The following DACT3 variants were observed in gnomAD, a reference collection of about 807,000 sequenced individuals.
DACT3 encodes the protein dishevelled binding antagonist of beta catenin 3, also known as dapper homolog 3.
In DACT3, 5 loss-of-function variants were observed where a neutral mutation model predicts 19.6. That is an observed-to-expected ratio of 0.26 (90% CI 0.13 to 0.54). The LOEUF (loss-of-function observed/expected upper bound fraction) is 0.54. Among genes scored for constraint, DACT3 ranks in the 20% least tolerant of loss-of-function variants. The probability of loss-of-function intolerance (pLI) is 0.95; values close to 1 mark genes in which losing one functional copy is unlikely to be tolerated. For missense variants in DACT3, 908 were observed against 927.4 expected, an observed-to-expected ratio of 0.98 and a Z score of 0.27; for synonymous variants, 454 against 428.1, an observed-to-expected ratio of 1.06 and a Z score of -0.75.
chr19:46,657,793 G>A (rs922026068), intron 1 of DACT3, among the ~76,000 whole-genome samples: 2 of 152,060 alleles, frequency 1.3e-5, no homozygotes, highest in Non-Finnish European at 1.5e-5. Flanking sequence ...GCTCACGCCT[G>A]TAATCCCAAC....
At chr19:46,656,135 C>G (rs1266021199) in intron 1 of DACT3, among the ~76,000 whole-genome samples, 1 of 142,496 alleles carries the variant, frequency 7.0e-6, no homozygotes, top group African/African-American at 2.7e-5. Context: ...GCCTCCACCT[C>G]CCAGGTTCAA....
intron 3 of DACT3, chr19:46,651,783 T>A: frequency 6.6e-6 from 1 of 152,110 alleles, no homozygotes; most frequent in Non-Finnish European, 1.5e-5. Flanking sequence ...CACTGCAACC[T>A]CTGCCTCCCA....
At chr19:46,656,283 C>T (rs2053034048) in intron 1 of DACT3, among the ~76,000 whole-genome samples, 1 of 151,998 alleles carries the variant, frequency 6.6e-6, no homozygotes, top group African/African-American at 2.4e-5. Flanking sequence ...CTCCTGACTA[C>T]AAGTCATCCG....
rs2052950644 is a variant in DACT3, at chr19:46,649,067, G to A, written c.1305C>T (p.Ser435=). The change falls in exon 4 of 4, where the codon TCC becomes TCT. Residue 435 remains serine (S), a synonymous_variant. Transcript: ENST00000391916. ...QSETSLLGRA[S]AVPSGPPKYP... ...ACTTAGGGGGCCCCGAAGGGACCGC[G>A]GAGGCGCGGCCCAGCAGGCTGGTCT... 8 of 1,292,998 alleles carry A rather than the reference G, an allele frequency of 6.2e-6. No individual in the cohort carries two copies. The highest frequency in any genetic ancestry group is 7.8e-6 in the Non-Finnish European group (8 of 1,023,188). 80.1% of individuals were successfully genotyped at this position (1,292,998 alleles called of 1,614,324 possible).
intron 3 of DACT3, 92 bp from the exon 4 acceptor site, chr19:46,649,964 G>T: frequency 7.9e-7 from 1 of 1,261,852 alleles, no homozygotes; most frequent in African/African-American, 1.6e-5. Context: ...GGAAGGGGCG[G>T]GTTGCCTCCC....
intron 1 of DACT3, among the ~76,000 whole-genome samples, chr19:46,653,539 T>TTTATTTATTTATTTA (rs2053006759): frequency 7.1e-6 from 1 of 141,152 alleles, no homozygotes; most frequent in Non-Finnish European, 1.5e-5. Context: ...CTTTTTTTAT[T>TTTATTTATTTATTTA]TTTATTTATT....
chr19:46,650,108 T>A, intron 3 of DACT3: 9 of 214,612 alleles, frequency 4.2e-5, no homozygotes, highest in Non-Finnish European at 6.3e-5. Flanking sequence ...TCTCCAACTC[T>A]CACAACATCT....
In DACT3 at chr19:46,649,746, C is replaced by G; in HGVS notation, c.626G>C (p.Arg209Pro). The change falls in exon 4 of 4, where the codon CGG becomes CCG. Residue 209 changes from arginine (R) to proline (P), a missense_variant. Physicochemically the swap from Arg to Pro is moderately radical, Grantham distance 103 (BLOSUM62 -2). Around this residue, in one of 2 missense-constraint regions of DACT3, gnomAD observed 252 missense variants for 325.6 expected, o/e 0.77. Transcript: ENST00000391916. ...GPEACSSAER[R>P]ARAGPFLTPS... Reference sequence around the variant, plus strand: ...CGTCAGAAAGGGCCCGGCGCGGGCCCGCCGCTCCGCCGAGGAGCAGGCCTC... The same window carrying G: ...CGTCAGAAAGGGCCCGGCGCGGGCCGGCCGCTCCGCCGAGGAGCAGGCCTC... 3.9e-6 allele frequency: 5 copies of G among 1,274,676 alleles called. No individual in the cohort carries two copies. The highest frequency in any genetic ancestry group is 4.9e-6 in the Non-Finnish European group (5 of 1,011,650). 79.0% of individuals were successfully genotyped at this position (1,274,676 alleles called of 1,614,324 possible).
rs1215676789 is a variant in DACT3 at position 46,648,843 on chromosome 19, T to C, written c.1529A>G (p.Gln510Arg). Residue 510 changes from glutamine (Q) to arginine (R), a missense_variant, in exon 4 of 4, where the codon CAG becomes CGG. Gln to Arg is a conservative substitution (Grantham distance 43). Coordinates refer to ENST00000391916, the MANE Select transcript of DACT3 (RefSeq NM_145056.3). This position sits in a 1 kb window ranked among gnomAD's most constrained non-coding sequence, Gnocchi z 5.1. Reference sequence around the variant, plus strand: ...CGCGCAGCCGTAAAGCAGACGACGCTGGGGAGCTGACGGGGACGGGCCGGG... The same window carrying C: ...CGCGCAGCCGTAAAGCAGACGACGCCGGGGAGCTGACGGGGACGGGCCGGG... ...PGPGPSPSAP[Q>R]RRLLYGCAGS... 6.8e-7 allele frequency: 1 copy of C among 1,480,102 alleles called. No individual in the cohort carries two copies. Among genetic ancestry groups the C allele is most frequent in the Admixed American group, 2.5e-5 (1 of 40,562 alleles). The allele number at this position is 1,480,102 out of a possible 1,614,324, so 91.7% of individuals were successfully genotyped here. A position where few individuals can be genotyped will look rare whatever the true frequency, so the allele number is the denominator to read the frequency against.
Position 46,648,164 on chromosome 19 carries a change from T to G in DACT3, c.*318A>C. On this transcript the variant is annotated 3_prime_UTR_variant, in exon 4 of 4. Coordinates refer to ENST00000391916, the MANE Select transcript of DACT3 (RefSeq NM_145056.3). This position sits in a 1 kb window ranked among gnomAD's most constrained non-coding sequence, Gnocchi z 5.1. ...AGGCTTCTAAACTAAAACGGGGAAATTCAAACCGAATTACCCCTTTTGCAT... is the reference window on the plus strand; with the variant it reads ...AGGCTTCTAAACTAAAACGGGGAAAGTCAAACCGAATTACCCCTTTTGCAT... The G allele has an allele frequency of 3.3e-6, 1 of 302,564 alleles. No individual in the cohort carries two copies. The highest frequency in any genetic ancestry group is 5.2e-5 in the South Asian group (1 of 19,294). 18.7% of individuals were successfully genotyped at this position (302,564 alleles called of 1,614,324 possible). A position where few individuals can be genotyped will look rare whatever the true frequency, so the allele number is the denominator to read the frequency against.
intron 1 of DACT3, among the ~76,000 whole-genome samples, chr19:46,655,697 C>T (rs988571004): frequency 1.3e-5 from 2 of 152,064 alleles, no homozygotes; most frequent in South Asian, 2.1e-4. Flanking sequence ...CCTAGGAACG[C>T]GGAGATTTGT....
Position 46,648,581 on chromosome 19 carries a change from G to T in DACT3, c.1791C>A (p.Gly597=), listed in dbSNP as rs778872360. The stretch of plus-strand genomic sequence containing the variant: ...TGATTTTCACGAAGACTTTGGCGGG[G>T]CCTGCGGGCGCCCCTGCACCTGCTC... ...GGGAGAGAPA[G]PAKVFVKIKA... is the part of the protein sequence containing the mutation. The change falls in exon 4 of 4, where the codon GGC becomes GGA. Residue 597 remains glycine (G), a synonymous_variant. Coordinates refer to ENST00000391916, the MANE Select transcript of DACT3 (RefSeq NM_145056.3). The surrounding 1 kb of genome is among the most constrained non-coding windows in gnomAD (Gnocchi z 5.1). 38 of 1,613,526 alleles carry T rather than the reference G, an allele frequency of 2.4e-5. No homozygotes were observed. Among genetic ancestry groups the T allele is most frequent in the Admixed American group, 1.0e-4 (6 of 60,012 alleles).
chr19:46,650,125 C>CTCTTTT (rs1194728169), intron 3 of DACT3: 1 of 151,810 alleles, frequency 6.6e-6, no homozygotes, highest in African/African-American at 5.3e-5. Flanking sequence ...ATCTTACCCC[C>CTCTTTT]TATTTTTTTT....
chr19:46,654,436 A>C (rs2053017058), intron 1 of DACT3: 2 of 743,776 alleles, frequency 2.7e-6, no homozygotes, highest in Non-Finnish European at 1.6e-6. Context: ...CAGTGAGCCG[A>C]GATCACACCA....
chr19:46,650,804 C>G (rs562197962), intron 3 of DACT3: 1 of 152,242 alleles, frequency 6.6e-6, no homozygotes, highest in Non-Finnish European at 1.5e-5. Flanking sequence ...TTTCTGCTTC[C>G]CATTCCAGAT....
chr19:46,657,488 G>T (rs929786481), intron 1 of DACT3, among the ~76,000 whole-genome samples: 1 of 151,102 alleles, frequency 6.6e-6, no homozygotes, highest in African/African-American at 2.4e-5. Context: ...CGAGTAGCTG[G>T]GACTACAGGT....
chr19:46,656,164 C>T lies in DACT3; in HGVS notation c.250-3089G>A, dbSNP rs563325980. Among the ~76,000 whole-genome samples, 63 of 148,872 alleles carry T rather than the reference C, an allele frequency of 4.2e-4. No individual in the cohort carries two copies. The South Asian group carries it at 7.2e-3, about 17-fold the overall frequency. On this transcript the variant is annotated intron_variant, in intron 1 of 3. Transcript: ENST00000391916. The stretch of plus-strand genomic sequence containing the variant: ...GGTTCAAGTGATTTTTTTTTTTTGC[C>T]TCAGCCTCCCAAGCAGGTGGGATGA...
rs114646468 is a variant in DACT3 at position 46,652,911 on chromosome 19, C to G, written c.346+68G>C. 9,021 of 1,542,874 alleles carry G rather than the reference C, an allele frequency of 5.8e-3. 441 individuals are homozygous for G. The African/African-American group carries it at 0.11, about 18-fold the overall frequency. On this transcript the variant is annotated intron_variant, in intron 2 of 3. Transcript: ENST00000391916. ...TGGCGTGGGGAGAGACACAGGGGGCCTCAGAAATAGGGATACGGGGAACAT... is the reference window on the plus strand; with the variant it reads ...TGGCGTGGGGAGAGACACAGGGGGCGTCAGAAATAGGGATACGGGGAACAT...
At chr19:46,652,351 G>T (rs571167797) in intron 3 of DACT3, 5 of 417,156 alleles carry the variant, frequency 1.2e-5, no homozygotes, top group East Asian at 1.1e-4. Context: ...TCGCTACCAC[G>T]CCCAACTAAT....
Sources: gnomAD v4.1 joint callset for allele counts (sites outside exome capture counted in the v4.1 genomes callset) on GRCh38, gnomAD v4.1.1 for gene constraint, gnomAD v4.1.1 regional missense constraint, Gnocchi (gnomAD v3.1) non-coding constraint, MANE v1.5 for transcripts, NCBI Gene and HGNC (gene_info 2026-07-23, HGNC 2026-07-21) for gene names.